NUFIP2: variants seen among roughly 807,000 people sequenced by gnomAD.
NUFIP2 encodes the protein nuclear FMR1 interacting protein 2.
In NUFIP2, 6 loss-of-function variants were observed where a neutral mutation model predicts 56.9. The ratio of observed to expected loss-of-function variants is 0.11; its 90% confidence interval spans 0.06 to 0.21. The LOEUF (loss-of-function observed/expected upper bound fraction) is 0.21, where lower values mean the gene tolerates loss of function less well. NUFIP2 is among the 10% of genes least tolerant of loss of function. NUFIP2 has a pLI of 1.00. For synonymous variants in NUFIP2, 321 were observed against 298.2 expected (o/e 1.08, Z -0.79); for missense variants, 828 against 826.8 (o/e 1.00, Z -0.02).
rs762473387 is a variant in NUFIP2, at chr17:29,260,235, C to G, written c.*4304G>C. The G allele has an allele frequency of 1.3e-5, 2 of 151,794 alleles. No homozygotes were observed. Among genetic ancestry groups the G allele is most frequent in the African/African-American group, 2.4e-5 (1 of 41,286 alleles). 9.4% of individuals were successfully genotyped at this position (151,794 alleles called of 1,614,324 possible). ...TCCTACGTTTTCCTTTCAAATCCAA[C>G]AGTTAAGTCATGGGTAGGGTTATTA... On this transcript the variant is annotated 3_prime_UTR_variant, in exon 4 of 4. Coordinates refer to ENST00000225388, the MANE Select transcript of NUFIP2 (RefSeq NM_020772.3).
chr17:29,280,110 C>T (rs1388180857), intron 2 of NUFIP2, among the ~76,000 whole-genome samples: 6 of 152,114 alleles, frequency 3.9e-5, no homozygotes, highest in East Asian at 3.8e-4. Context: ...GAGCCATGTC[C>T]GGCCCCAGCC....
Position 29,286,316 on chromosome 17 carries a change from C to T in NUFIP2, c.1678G>A (p.Val560Met). The T allele has an allele frequency of 6.2e-7, 1 of 1,614,162 alleles. No individual in the cohort carries two copies. The highest frequency in any genetic ancestry group is 8.5e-7 in the Non-Finnish European group (1 of 1,180,018). ...EIIPSGTEHP[V>M]FPKAYELEKR... ...TCCAGCTCGTAAGCCTTGGGAAACA[C>T]AGGATGCTCAGTTCCTGAGGGAATT... Residue 560 changes from valine to methionine, a missense_variant, in exon 2 of 4, where the codon GTG (valine) becomes ATG (methionine). Physicochemically the swap from Val to Met is conservative, Grantham distance 21. Coordinates refer to ENST00000225388, the MANE Select transcript of NUFIP2 (RefSeq NM_020772.3).
rs181012654 is a variant in NUFIP2, at chr17:29,280,541, A to G, written c.2002+5451T>C. On this transcript the variant is annotated intron_variant, in intron 2 of 3. Coordinates refer to ENST00000225388, the MANE Select transcript of NUFIP2 (RefSeq NM_020772.3). ...CAGGAATTCCAGACCAGCCCAGACA[A>G]CATGGGTGGTAGCGCAAACCTATGG... is the stretch of plus-strand genomic sequence containing the variant. Among the ~76,000 whole-genome samples the G allele has an allele frequency of 3.1e-4, 47 of 152,200 alleles. 1 individual carries two copies. The highest frequency in any genetic ancestry group is 1.2e-3 in the Admixed American group (18 of 15,290).
intron 2 of NUFIP2, among the ~76,000 whole-genome samples, chr17:29,281,288 C>T (rs745954623): frequency 5.9e-5 from 9 of 151,824 alleles, no homozygotes; most frequent in African/African-American, 1.7e-4. Flanking sequence ...CGCCACTGCA[C>T]GCCAGCCAGG....
chr17:29,272,496 T>G (rs1283731998), intron 2 of NUFIP2, among the ~76,000 whole-genome samples: 1 of 152,182 alleles, frequency 6.6e-6, no homozygotes, highest in Non-Finnish European at 1.5e-5. Context: ...CGCCCTGGCC[T>G]CCCGAAGTGC....
At chr17:29,264,823 G>A (rs1356088636) in intron 3 of NUFIP2, among the ~76,000 whole-genome samples, 2 of 152,118 alleles carry the variant, frequency 1.3e-5, no homozygotes, top group South Asian at 2.1e-4. Context: ...GCCAGTGAGG[G>A]CCTCAACTCC....
Position 29,286,047 on chromosome 17 carries a change from C to T in NUFIP2, c.1947G>A (p.Arg649=). The T allele has an allele frequency of 1.2e-6, 2 of 1,614,086 alleles. No homozygotes were observed. Among genetic ancestry groups the T allele is most frequent in the Non-Finnish European group, 1.7e-6 (2 of 1,179,968 alleles). ...KEQRYQRGLE[R]NDSWGSFDLR... The stretch of plus-strand genomic sequence containing the variant: ...GGTCAAAAGAACCCCAGCTATCATT[C>T]CTTTCTAGGCCTCTCTGGTATCTCT... The change falls in exon 2 of 4, where the codon AGG becomes AGA. Residue 649 remains arginine, a synonymous_variant. Transcript: ENST00000225388.
At chr17:29,284,116 A>C (rs2069156414) in intron 2 of NUFIP2, among the ~76,000 whole-genome samples, 1 of 152,166 alleles carries the variant, frequency 6.6e-6, no homozygotes, top group Non-Finnish European at 1.5e-5. Context: ...CAATTCCCAC[A>C]ATCTGGTATG....
At chr17:29,265,219 G>A (rs1223002107) in intron 3 of NUFIP2, among the ~76,000 whole-genome samples, 3 of 152,102 alleles carry the variant, frequency 2.0e-5, no homozygotes, top group East Asian at 1.9e-4. Context: ...AGACTCCAGG[G>A]TTATTCTAAA....
intron 2 of NUFIP2, among the ~76,000 whole-genome samples, chr17:29,281,689 TAA>T (rs58675184): frequency 0.43 from 47,856 of 110,272 alleles, 9,882 homozygotes; most frequent in East Asian, 0.53. Context: ...CCTGTCTCTT[TAA>T]AAAAAAAAAA....
intron 1 of NUFIP2, among the ~76,000 whole-genome samples, chr17:29,293,217 G>A (rs2069229296): frequency 1.3e-5 from 2 of 151,618 alleles, no homozygotes; most frequent in Non-Finnish European, 2.9e-5. Context: ...TGACCCGTGA[G>A]ATGAGGGGTC....
At position 29,267,525 on chromosome 17, in the gene NUFIP2, C is replaced by G. The variant is rs141310140; in HGVS notation, c.2008G>C (p.Glu670Gln). 1 of 1,536,456 alleles carries G rather than the reference C, an allele frequency of 6.5e-7. No homozygotes were observed. The highest frequency in any genetic ancestry group is 8.9e-7 in the Non-Finnish European group (1 of 1,121,886). The change falls in exon 3 of 4, where the codon GAA (glutamate) becomes CAA (glutamine). Residue 670 changes from glutamate to glutamine, a missense_variant. Physicochemically the swap from Glu to Gln is conservative, Grantham distance 29. This residue lies in a region of NUFIP2 where 404 missense variants were observed against 380.3 expected (regional missense o/e 1.06). Transcript: ENST00000225388. The stretch of plus-strand genomic sequence containing the variant: ...TGCTTCTGCAAATTCCAAATAGATT[C>G]CATTTCTGCAAAGAAAAAAAGAGAA... ...AAIVYHTKEM[E>Q]SIWNLQKQDP...
Position 29,261,539 on chromosome 17 carries a change from C to T in NUFIP2, c.*3000G>A, listed in dbSNP as rs745682202. The stretch of plus-strand genomic sequence containing the variant: ...CTGAGTTGAAGGAAAATTCTTTATA[C>T]CAAACAATAACACGTTATTTAAATG... On this transcript the variant is annotated 3_prime_UTR_variant, in exon 4 of 4. Transcript: ENST00000225388. 2 of 152,030 alleles carry T rather than the reference C, an allele frequency of 1.3e-5. No individual in the cohort carries two copies. The highest frequency in any genetic ancestry group is 4.8e-5 in the African/African-American group (2 of 41,370). 9.4% of individuals were successfully genotyped at this position (152,030 alleles called of 1,614,324 possible).
At chr17:29,266,950 C>G (rs1456512519) in intron 3 of NUFIP2, among the ~76,000 whole-genome samples, 1 of 151,854 alleles carries the variant, frequency 6.6e-6, no homozygotes, top group African/African-American at 2.4e-5. Flanking sequence ...GTTGCCCAGG[C>G]TGGAGTGCAA....
intron 3 of NUFIP2, among the ~76,000 whole-genome samples, chr17:29,265,334 G>A (rs1291021003): frequency 5.1e-5 from 7 of 137,768 alleles, no homozygotes; most frequent in East Asian, 4.2e-4. Context: ...ACGGAGTCTC[G>A]CTCTGTCGCC....
In NUFIP2 at chr17:29,286,680, A is replaced by G; in HGVS notation, c.1314T>C (p.Thr438=). The G allele has an allele frequency of 6.2e-7, 1 of 1,614,184 alleles. No individual in the cohort carries two copies. The highest frequency in any genetic ancestry group is 1.1e-5 in the South Asian group (1 of 91,082). The stretch of plus-strand genomic sequence containing the variant: ...AGATGGGTGTTAGAGTATTAGCAGC[A>G]GTAGTTAGCAGTGGCTGACCCCCTG... ...YPPGGQPLLT[T]AANTLTPISS... is the part of the protein sequence containing the mutation. The change falls in exon 2 of 4, where the codon ACT becomes ACC. Residue 438 remains threonine, a synonymous_variant. Coordinates refer to ENST00000225388, the MANE Select transcript of NUFIP2 (RefSeq NM_020772.3).
intron 2 of NUFIP2, among the ~76,000 whole-genome samples, chr17:29,277,770 T>C (rs2069116186): frequency 6.6e-6 from 1 of 152,274 alleles, no homozygotes; most frequent in Admixed American, 6.5e-5. Context: ...CCCAGCACTT[T>C]GGGAGGCCGA....
chr17:29,278,999 A>C (rs1276497223), intron 2 of NUFIP2, among the ~76,000 whole-genome samples: 1 of 152,180 alleles, frequency 6.6e-6, no homozygotes, highest in Admixed American at 6.5e-5. Context: ...TACCCTTTCC[A>C]AATCTAGGGA....
rs560044941 is a variant in NUFIP2 at position 29,290,180 on chromosome 17, G to C, written c.278-2464C>G. ...GATTACAGGTGAGAGCCACCACACC[G>C]GCCTCTTAGATTTCTTAGAACTCTT... On this transcript the variant is annotated intron_variant, in intron 1 of 3. Coordinates refer to ENST00000225388, the MANE Select transcript of NUFIP2 (RefSeq NM_020772.3). 4.0e-5 allele frequency among the ~76,000 whole-genome samples: 6 copies of C among 151,792 alleles called. 1 individual carries two copies. Among genetic ancestry groups the C allele is most frequent in the African/African-American group, 1.5e-4 (6 of 41,312 alleles).
Sources: allele counts gnomAD v4.1 joint callset (sites outside exome capture counted in the v4.1 genomes callset), GRCh38; gene constraint gnomAD v4.1.1; regional missense constraint gnomAD v4.1.1; transcripts MANE v1.5; gene names NCBI Gene and HGNC (gene_info 2026-07-23, HGNC 2026-07-21).